The following CUL1 variants were observed in gnomAD, a reference collection of about 807,000 sequenced individuals.
CUL1 encodes the protein cullin 1, also known as cullin-1.
CUL1 carries 24 observed loss-of-function variants against 118.0 expected under a neutral mutation model. The observed-to-expected ratio is 0.20, with a 90% CI of 0.15 to 0.29. The LOEUF (loss-of-function observed/expected upper bound fraction) is 0.29, where lower values mean the gene tolerates loss of function less well. CUL1 is among the 10% of genes least tolerant of loss of function. The pLI is 1.00. For synonymous variants in CUL1, 332 were observed against 340.4 expected (o/e 0.98, Z 0.27); for missense variants, 361 against 933.8 (o/e 0.39, Z 7.99).
intron 1 of CUL1, among the ~76,000 whole-genome samples, chr7:148,726,493 A>G (rs1394849968): frequency 6.6e-6 from 1 of 152,166 alleles, no homozygotes; most frequent in African/African-American, 2.4e-5. Flanking sequence ...GGCTCTTTTA[A>G]TTGGAGATGT....
chr7:148,747,531 G>T (rs760976333), intron 2 of CUL1, among the ~76,000 whole-genome samples: 8 of 152,148 alleles, frequency 5.3e-5, no homozygotes, highest in Non-Finnish European at 8.8e-5. Context: ...GGGGCTGAGA[G>T]CTGACGTTTC....
At position 148,784,389 on chromosome 7, in the gene CUL1, G is replaced by A. The variant is rs768221773; in HGVS notation, c.1298+312G>A. On this transcript the variant is annotated intron_variant, in intron 11 of 21. Transcript: ENST00000325222. ...ACGTTCAGTTCAGAGTGGTATGGCC[G>A]TAGATTGCCTTTGTTATTCTGTGTA... Among the ~76,000 whole-genome samples, 10 of 152,286 alleles carry A rather than the reference G, an allele frequency of 6.6e-5. 1 individual carries two copies. The highest frequency in any genetic ancestry group is 3.9e-4 in the Admixed American group (6 of 15,292).
At chr7:148,799,174 G>T in intron 20 of CUL1, 101 bp from the exon 21 acceptor site, 1 of 776,472 alleles carries the variant, frequency 1.3e-6, no homozygotes. Context: ...TTGTGATCCT[G>T]TGCATAGGCG....
chr7:148,751,071 A>G (rs1444816948), intron 2 of CUL1, among the ~76,000 whole-genome samples: 1 of 152,122 alleles, frequency 6.6e-6, no homozygotes, highest in Non-Finnish European at 1.5e-5. Context: ...ATGCAAGGCC[A>G]AGGTTGTGGT....
chr7:148,783,899 G>A lies in CUL1; in HGVS notation c.1191+9G>A, dbSNP rs369042023. ...TGGCTGCTCTTGATAAGGTAGGTGC[G>A]TGAGGGTTGTGACTTGCCTGTAGTA... is the stretch of plus-strand genomic sequence containing the variant. On this transcript the variant is annotated intron_variant, in intron 10 of 21. Transcript: ENST00000325222. 1.1e-5 allele frequency: 17 copies of A among 1,613,772 alleles called. No homozygotes were observed. The highest frequency in any genetic ancestry group is 2.2e-5 in the South Asian group (2 of 91,060).
At chr7:148,754,765 A>C (rs1188719213) in intron 3 of CUL1, among the ~76,000 whole-genome samples, 1 of 148,194 alleles carries the variant, frequency 6.7e-6, no homozygotes, top group African/African-American at 2.5e-5. Context: ...TTTTTTTTTT[A>C]AGACAGGGTC....
chr7:148,785,795 G>C (rs1451065220), intron 11 of CUL1, among the ~76,000 whole-genome samples: 1 of 152,130 alleles, frequency 6.6e-6, no homozygotes, highest in African/African-American at 2.4e-5. Flanking sequence ...CGTGTGTTGG[G>C]TGAGTGGAGT....
intron 2 of CUL1, among the ~76,000 whole-genome samples, chr7:148,744,340 G>C (rs1208842666): frequency 1.3e-5 from 2 of 149,570 alleles, no homozygotes; most frequent in African/African-American, 4.9e-5. Context: ...CCCTTCTTTA[G>C]GATTATTTGA....
intron 13 of CUL1, among the ~76,000 whole-genome samples, chr7:148,788,038 C>T (rs768913717): frequency 2.0e-5 from 3 of 152,146 alleles, no homozygotes; most frequent in Non-Finnish European, 2.9e-5. Context: ...TGGTGCAGGC[C>T]CTCTTCCTGC....
intron 1 of CUL1, among the ~76,000 whole-genome samples, chr7:148,729,684 T>A (rs1798693774): frequency 6.6e-6 from 1 of 152,206 alleles, no homozygotes; most frequent in South Asian, 2.1e-4. Flanking sequence ...TGATATATAT[T>A]TTTGATAACT....
chr7:148,746,581 AAC>A (rs1466032726), intron 2 of CUL1, among the ~76,000 whole-genome samples: 1 of 152,168 alleles, frequency 6.6e-6, no homozygotes, highest in Non-Finnish European at 1.5e-5. Flanking sequence ...TATGTGGAAA[AAC>A]ACAGACATCC....
intron 1 of CUL1, among the ~76,000 whole-genome samples, chr7:148,721,064 T>G (rs1202455023): frequency 6.6e-6 from 1 of 152,258 alleles, no homozygotes; most frequent in African/African-American, 2.4e-5. Context: ...TAATAATTTC[T>G]TGTGGAATTC....
chr7:148,795,302 T>C (rs951766138), intron 17 of CUL1, among the ~76,000 whole-genome samples: 2 of 152,050 alleles, frequency 1.3e-5, no homozygotes, highest in African/African-American at 4.8e-5. Flanking sequence ...CAGCTAATTT[T>C]TGTATTTTTT....
intron 9 of CUL1, among the ~76,000 whole-genome samples, chr7:148,779,060 C>G (rs1049257132): frequency 6.6e-6 from 1 of 152,190 alleles, no homozygotes; most frequent in Non-Finnish European, 1.5e-5. Context: ...TGCCCTCACA[C>G]CTCTTGTATG....
Position 148,782,024 on chromosome 7 carries a change from G to A in CUL1, c.1084-1759G>A, listed in dbSNP as rs566498545. 7.2e-5 allele frequency among the ~76,000 whole-genome samples: 11 copies of A among 152,294 alleles called. 1 individual carries two copies. The highest frequency in any genetic ancestry group is 5.2e-4 in the Admixed American group (8 of 15,298). ...CTTGTTAAGGATCCTGCATGTTACC[G>A]TATTCGAAAACTACCCAATAGCGTT... is the stretch of plus-strand genomic sequence containing the variant. On this transcript the variant is annotated intron_variant, in intron 9 of 21. Coordinates refer to ENST00000325222, the MANE Select transcript of CUL1 (RefSeq NM_003592.3).
chr7:148,770,113 A>G (rs193051924), intron 9 of CUL1, among the ~76,000 whole-genome samples: 14 of 152,330 alleles, frequency 9.2e-5, no homozygotes, highest in Non-Finnish European at 1.8e-4. Flanking sequence ...ACATTTACCT[A>G]ACTCGATCAG....
chr7:148,741,938 T>C (rs1461624429), intron 2 of CUL1, among the ~76,000 whole-genome samples: 1 of 152,234 alleles, frequency 6.6e-6, no homozygotes. Flanking sequence ...TAGTATCTCA[T>C]TGTGGTTTTG....
In CUL1 at chr7:148,801,095, T is replaced by C. The variant is rs1216919445; in HGVS notation, c.*513T>C. 6.5e-6 allele frequency: 1 copy of C among 152,760 alleles called. No homozygotes were observed. Among genetic ancestry groups the C allele is most frequent in the African/African-American group, 2.4e-5 (1 of 41,462 alleles). 9.5% of individuals were successfully genotyped at this position (152,760 alleles called of 1,614,324 possible). ...TTCTATATGTAAATAAAAGATATAA[T>C]GATTGTGCAAATTTATATTCCTAGT... On this transcript the variant is annotated 3_prime_UTR_variant, in exon 22 of 22. Coordinates refer to ENST00000325222, the MANE Select transcript of CUL1 (RefSeq NM_003592.3).
chr7:148,795,549 G>A (rs530151241), intron 17 of CUL1, among the ~76,000 whole-genome samples: 2 of 151,994 alleles, frequency 1.3e-5, no homozygotes, highest in East Asian at 2.0e-4. Context: ...GGCGGATCAC[G>A]AGGTCAGGAG....
Sources: allele counts gnomAD v4.1 joint callset (sites outside exome capture counted in the v4.1 genomes callset), GRCh38; gene constraint gnomAD v4.1.1; transcripts MANE v1.5; gene names NCBI Gene and HGNC (gene_info 2026-07-23, HGNC 2026-07-21).